The following ZFPM2 variants were observed in gnomAD, a reference collection of about 807,000 sequenced individuals.
ZFPM2 encodes zinc finger protein ZFPM2.
Under a neutral mutation model 98.6 loss-of-function variants are expected in ZFPM2, and 20 were observed. That is an observed-to-expected ratio of 0.20 (90% CI 0.14 to 0.29). The LOEUF is 0.29. Among genes scored for constraint, ZFPM2 ranks in the 10% least tolerant of loss-of-function variants. The pLI, the probability that ZFPM2 is intolerant of heterozygous loss-of-function variation, is 1.00. For missense variants in ZFPM2, 1,310 were observed against 1,388.6 expected, an observed-to-expected ratio of 0.94 and a Z score of 0.90; for synonymous variants, 518 against 502.7, an observed-to-expected ratio of 1.03 and a Z score of -0.41.
chr8:105,699,778 T>A (rs1358109250), intron 5 of ZFPM2, among the ~76,000 whole-genome samples: 3 of 152,134 alleles, frequency 2.0e-5, no homozygotes, highest in Non-Finnish European at 4.4e-5. Flanking sequence ...TTGAAAAAAA[T>A]TAATCTAAAC....
At chr8:105,556,571 C>T (rs62527195) in intron 3 of ZFPM2, among the ~76,000 whole-genome samples, 3,090 of 152,160 alleles carry the variant, frequency 0.02, 62 homozygotes, top group Non-Finnish European at 0.029. Flanking sequence ...AATTGTGAAC[C>T]CATTCCAGCG....
chr8:105,667,174 G>A (rs1817504794), intron 5 of ZFPM2, among the ~76,000 whole-genome samples: 1 of 152,090 alleles, frequency 6.6e-6, no homozygotes, highest in Non-Finnish European at 1.5e-5. Context: ...ATTACTTAAA[G>A]CCAATGATAA....
chr8:105,536,742 G>A (rs1245182193), intron 3 of ZFPM2, among the ~76,000 whole-genome samples: 3 of 152,138 alleles, frequency 2.0e-5, no homozygotes, highest in Non-Finnish European at 4.4e-5. Context: ...CATGGGGGCA[G>A]TCAGGGAAGA....
intron 5 of ZFPM2, among the ~76,000 whole-genome samples, chr8:105,687,808 C>T (rs779552644): frequency 2.0e-5 from 3 of 151,700 alleles, no homozygotes; most frequent in Admixed American, 6.6e-5. Flanking sequence ...GCATAAAGGA[C>T]GTGGCATGGG....
At chr8:105,404,794 A>C (rs1288105067) in intron 1 of ZFPM2, among the ~76,000 whole-genome samples, 1 of 152,096 alleles carries the variant, frequency 6.6e-6, no homozygotes, top group Non-Finnish European at 1.5e-5. Context: ...TGAACTCATT[A>C]ACAGCTCATA....
intron 1 of ZFPM2, among the ~76,000 whole-genome samples, chr8:105,374,683 A>G (rs2957458): frequency 6.6e-6 from 1 of 151,864 alleles, no homozygotes; most frequent in Non-Finnish European, 1.5e-5. Context: ...TGGTAGTGTC[A>G]CAGGTGAGGA....
At position 105,444,406 on chromosome 8, in the gene ZFPM2, A is replaced by G. The variant is rs11990004; in HGVS notation, c.301+25A>G. Reference sequence around the variant, plus strand: ...GGTAGGGGAGAATATTTAAAATTCAACCGTCTTTAGTACTGTTAGAAATAC... The same window carrying G: ...GGTAGGGGAGAATATTTAAAATTCAGCCGTCTTTAGTACTGTTAGAAATAC... On this transcript the variant is annotated intron_variant, in intron 3 of 7. Coordinates refer to ENST00000407775, the MANE Select transcript of ZFPM2 (RefSeq NM_012082.4). 1.3e-5 allele frequency: 20 copies of G among 1,562,130 alleles called. No individual in the cohort carries two copies. The African/African-American group carries it at 2.2e-4, about 17-fold the overall frequency.
intron 4 of ZFPM2, among the ~76,000 whole-genome samples, chr8:105,575,625 T>C (rs1024881323): frequency 6.6e-6 from 1 of 152,132 alleles, no homozygotes; most frequent in Non-Finnish European, 1.5e-5. Context: ...CTGTTTTAAG[T>C]CATTTGCTCC....
At chr8:105,534,469 T>C (rs1183273414) in intron 3 of ZFPM2, among the ~76,000 whole-genome samples, 1 of 150,898 alleles carries the variant, frequency 6.6e-6, no homozygotes, top group Non-Finnish European at 1.5e-5. Context: ...CTTCCTCCCT[T>C]CCTTTCTTCC....
At position 105,615,444 on chromosome 8, in the gene ZFPM2, C is replaced by T. The variant is rs537470386; in HGVS notation, c.421-18802C>T. ...GTGAATTAGCGACAGTGTTTTGATT[C>T]TGAAATATAATGAGGGAGAATCCCA... On this transcript the variant is annotated intron_variant, in intron 4 of 7. Transcript: ENST00000407775. 3.3e-5 allele frequency among the ~76,000 whole-genome samples: 5 copies of T among 152,186 alleles called. No individual in the cohort carries two copies. In the South Asian group the frequency reaches 8.3e-4, roughly 25 times the overall value.
intron 5 of ZFPM2, among the ~76,000 whole-genome samples, chr8:105,635,598 G>A (rs1429239818): frequency 6.6e-6 from 1 of 152,174 alleles, no homozygotes; most frequent in Non-Finnish European, 1.5e-5. Context: ...AGGGATGTGA[G>A]ATTTTCTCAG....
At chr8:105,740,869 C>T (rs1439365240) in intron 5 of ZFPM2, among the ~76,000 whole-genome samples, 1 of 151,916 alleles carries the variant, frequency 6.6e-6, no homozygotes, top group Non-Finnish European at 1.5e-5. Context: ...AAAACTAAAA[C>T]AGAGAAGAGG....
chr8:105,498,732 A>G (rs763843785), intron 3 of ZFPM2, among the ~76,000 whole-genome samples: 3 of 152,192 alleles, frequency 2.0e-5, no homozygotes, highest in African/African-American at 4.8e-5. Flanking sequence ...GGAAGCCTAT[A>G]AGCAGTTCAT....
At chr8:105,658,586 C>CAA (rs773181953) in intron 5 of ZFPM2, among the ~76,000 whole-genome samples, 220 of 7,860 alleles carry the variant, frequency 0.028, 50 homozygotes, top group Non-Finnish European at 0.032. Flanking sequence ...GACTCCGTCT[C>CAA]AAAAAAAAAA....
chr8:105,458,349 G>T (rs1411068298), intron 3 of ZFPM2, among the ~76,000 whole-genome samples: 1 of 151,818 alleles, frequency 6.6e-6, no homozygotes, highest in Non-Finnish European at 1.5e-5. Flanking sequence ...TTGTTTTCAT[G>T]GCAGAGAATC....
intron 1 of ZFPM2, among the ~76,000 whole-genome samples, chr8:105,377,673 G>A (rs1235918768): frequency 6.8e-6 from 1 of 147,412 alleles, no homozygotes; most frequent in African/African-American, 2.5e-5. Flanking sequence ...CCAGCTACTC[G>A]AGAGGCTGAG....
intron 5 of ZFPM2, among the ~76,000 whole-genome samples, chr8:105,776,208 C>T (rs548190840): frequency 1.3e-5 from 2 of 151,960 alleles, no homozygotes; most frequent in East Asian, 1.9e-4. Context: ...TTAGGGAATG[C>T]ACCGGTTTAA....
chr8:105,429,657 CTT>C (rs1811981522), intron 2 of ZFPM2, among the ~76,000 whole-genome samples: 1 of 146,738 alleles, frequency 6.8e-6, no homozygotes, highest in Non-Finnish European at 1.5e-5. Flanking sequence ...AATACAATAA[CTT>C]TTAACGAGAA....
At chr8:105,450,863 T>TG in intron 3 of ZFPM2, among the ~76,000 whole-genome samples, 1 of 152,186 alleles carries the variant, frequency 6.6e-6, no homozygotes, top group Non-Finnish European at 1.5e-5. Context: ...GATTAAAAGA[T>TG]GAAAGCCTGG....
Sources: allele counts gnomAD v4.1 joint callset (sites outside exome capture counted in the v4.1 genomes callset), GRCh38; gene constraint gnomAD v4.1.1; transcripts MANE v1.5; gene names NCBI Gene and HGNC (gene_info 2026-07-23, HGNC 2026-07-21).